CNTNAP5: variants seen among roughly 807,000 people sequenced by gnomAD.
The protein encoded by CNTNAP5 is contactin associated protein family member 5.
In CNTNAP5, 72 loss-of-function variants were observed where a neutral mutation model predicts 150.2. That is an observed-to-expected ratio of 0.48 (90% confidence interval 0.40 to 0.58). The LOEUF is 0.58. Among genes scored for constraint, CNTNAP5 ranks in the 20% least tolerant of loss-of-function variants. The probability of loss-of-function intolerance (pLI) is 0.00; values close to 1 mark genes in which losing one functional copy is unlikely to be tolerated. For missense variants in CNTNAP5, 1,636 were observed against 1,626.2 expected (o/e 1.01, Z -0.10); for synonymous variants, 672 against 619.8 (o/e 1.08, Z -1.25).
At chr2:124,464,112 C>T (rs2104823833) in intron 6 of CNTNAP5, among the ~76,000 whole-genome samples, 1 of 152,190 alleles carries the variant, frequency 6.6e-6, no homozygotes, top group South Asian at 2.1e-4. Flanking sequence ...ACAAGAGAGA[C>T]AAAATCCAGG....
At chr2:124,726,087 A>T (rs569538337) in intron 13 of CNTNAP5, among the ~76,000 whole-genome samples, 1 of 152,042 alleles carries the variant, frequency 6.6e-6, no homozygotes, top group African/African-American at 2.4e-5. Context: ...ATTCCCACCA[A>T]GAGTGTACAA....
chr2:124,213,981 T>C (rs1456647635), intron 1 of CNTNAP5, among the ~76,000 whole-genome samples: 1 of 152,180 alleles, frequency 6.6e-6, no homozygotes, highest in Non-Finnish European at 1.5e-5. Context: ...ATATTAGAGT[T>C]TAGAAGCAGG....
At chr2:124,411,223 G>T (rs533359427) in intron 3 of CNTNAP5, among the ~76,000 whole-genome samples, 2 of 152,294 alleles carry the variant, frequency 1.3e-5, no homozygotes, top group South Asian at 4.1e-4. Context: ...AGCTGAAATT[G>T]TGGCAATAAT....
intron 8 of CNTNAP5, among the ~76,000 whole-genome samples, chr2:124,512,619 G>A (rs1694618255): frequency 6.6e-6 from 1 of 152,110 alleles, no homozygotes. Context: ...ATTCCTAGGA[G>A]CAAGCAATAG....
At chr2:124,533,053 G>A (rs1013167030) in intron 10 of CNTNAP5, among the ~76,000 whole-genome samples, 4 of 151,380 alleles carry the variant, frequency 2.6e-5, no homozygotes, top group African/African-American at 4.9e-5. Flanking sequence ...TCCCAAATCA[G>A]TCTGCTTTGT....
intron 11 of CNTNAP5, among the ~76,000 whole-genome samples, chr2:124,590,965 C>A (rs1487732384): frequency 6.6e-6 from 1 of 152,190 alleles, no homozygotes; most frequent in Non-Finnish European, 1.5e-5. Flanking sequence ...AATAAATTAG[C>A]TGCCAGAACT....
intron 19 of CNTNAP5, among the ~76,000 whole-genome samples, chr2:124,843,456 A>C (rs984220262): frequency 6.6e-6 from 1 of 152,010 alleles, no homozygotes; most frequent in Admixed American, 6.6e-5. Flanking sequence ...TTGCAATTGC[A>C]AATTTTGCTG....
intron 14 of CNTNAP5, among the ~76,000 whole-genome samples, chr2:124,762,863 C>T (rs1202046707): frequency 6.6e-6 from 1 of 152,020 alleles, no homozygotes; most frequent in Non-Finnish European, 1.5e-5. Flanking sequence ...GGCATAATGA[C>T]ACCTACAGCA....
At chr2:124,257,694 T>C (rs1282456782) in intron 3 of CNTNAP5, among the ~76,000 whole-genome samples, 1 of 152,078 alleles carries the variant, frequency 6.6e-6, no homozygotes, top group African/African-American at 2.4e-5. Flanking sequence ...TTGGAACAAT[T>C]CTTCTCTAGA....
intron 3 of CNTNAP5, among the ~76,000 whole-genome samples, chr2:124,378,739 T>C (rs573111088): frequency 6.4e-4 from 98 of 152,178 alleles, no homozygotes; most frequent in Admixed American, 2.0e-3. Context: ...AGGTTCAGAG[T>C]GTGTATATTT....
intron 10 of CNTNAP5, among the ~76,000 whole-genome samples, chr2:124,560,634 C>G (rs1425780323): frequency 2.7e-5 from 4 of 149,082 alleles, no homozygotes; most frequent in African/African-American, 9.9e-5. Flanking sequence ...AAGAGAATCC[C>G]AGCTCGGACT....
intron 1 of CNTNAP5, among the ~76,000 whole-genome samples, chr2:124,026,201 C>T (rs1680883163): frequency 6.6e-6 from 1 of 152,200 alleles, no homozygotes; most frequent in Admixed American, 6.5e-5. Context: ...GCTCTGCGTT[C>T]TGCCCTAGGC....
chr2:124,139,069 T>C (rs929377480), intron 1 of CNTNAP5, among the ~76,000 whole-genome samples: 2 of 152,108 alleles, frequency 1.3e-5, no homozygotes, highest in African/African-American at 2.4e-5. Context: ...CTTCTTTTCA[T>C]CCTGGAAATG....
intron 13 of CNTNAP5, among the ~76,000 whole-genome samples, chr2:124,701,198 A>C (rs2105090003): frequency 6.6e-6 from 1 of 152,198 alleles, no homozygotes; most frequent in East Asian, 1.9e-4. Context: ...CAACCCTGGT[A>C]ACCAATGTGT....
At chr2:124,545,295 A>C (rs776159177) in intron 10 of CNTNAP5, among the ~76,000 whole-genome samples, 3 of 152,114 alleles carry the variant, frequency 2.0e-5, no homozygotes, top group Non-Finnish European at 2.9e-5. Flanking sequence ...ATTCAGAGTA[A>C]GAGGTACTCT....
At chr2:124,682,282 C>T (rs1679086787) in intron 13 of CNTNAP5, among the ~76,000 whole-genome samples, 1 of 152,132 alleles carries the variant, frequency 6.6e-6, no homozygotes, top group African/African-American at 2.4e-5. Context: ...AAAATCGCAA[C>T]CTTATGCAGC....
At chr2:124,036,707 T>C (rs956433164) in intron 1 of CNTNAP5, among the ~76,000 whole-genome samples, 5 of 152,154 alleles carry the variant, frequency 3.3e-5, no homozygotes, top group Middle Eastern at 3.2e-3. Flanking sequence ...AAACCTACAC[T>C]CTGTGCCAAG....
intron 1 of CNTNAP5, among the ~76,000 whole-genome samples, chr2:124,037,275 C>T (rs1312417521): frequency 1.3e-5 from 2 of 152,320 alleles, no homozygotes; most frequent in Middle Eastern, 3.4e-3. Context: ...CCTGAGACTC[C>T]TCCTGTCACT....
chr2:124,381,068 A>G (rs981831871), intron 3 of CNTNAP5, among the ~76,000 whole-genome samples: 1 of 152,120 alleles, frequency 6.6e-6, no homozygotes, highest in African/African-American at 2.4e-5. Context: ...GGGAGAAGTG[A>G]GCTCTGCTCA....
Sources: allele counts gnomAD v4.1 joint callset (sites outside exome capture counted in the v4.1 genomes callset), GRCh38; gene constraint gnomAD v4.1.1; transcripts MANE v1.5; gene names NCBI Gene and HGNC (gene_info 2026-07-23, HGNC 2026-07-21).